Variants in WDR7 observed in about 807,000 individuals in gnomAD.
WDR7 encodes the protein WD repeat domain 7.
In WDR7, 46 loss-of-function variants were observed where a neutral mutation model predicts 169.4. The observed-to-expected ratio is 0.27, with a 90% CI of 0.21 to 0.35. The LOEUF (loss-of-function observed/expected upper bound fraction) is 0.35. Ranked by LOEUF, WDR7 falls within the 10% of genes least tolerant of loss-of-function variation. The probability of loss-of-function intolerance (pLI) is 1.00; values close to 1 mark genes in which losing one functional copy is unlikely to be tolerated. For missense variants in WDR7, 1,534 were observed against 1,859.3 expected (o/e 0.83, Z 3.22); for synonymous variants, 612 against 666.8 (o/e 0.92, Z 1.27).
intron 21 of WDR7, among the ~76,000 whole-genome samples, chr18:56,885,832 A>C (rs1217540382): frequency 2.0e-5 from 3 of 151,922 alleles, no homozygotes; most frequent in Non-Finnish European, 4.4e-5. Context: ...GTCTCAAAAA[A>C]AAAAAAAAAC....
At chr18:56,982,005 G>GA (rs11415396) in intron 26 of WDR7, among the ~76,000 whole-genome samples, 51,460 of 151,902 alleles carry the variant, frequency 0.34, 8,853 homozygotes, top group Admixed American at 0.39. Context: ...GATATGCCAT[G>GA]AAAAAAATAC....
At chr18:56,853,981 A>C (rs1468491875) in intron 20 of WDR7, among the ~76,000 whole-genome samples, 2 of 152,194 alleles carry the variant, frequency 1.3e-5, no homozygotes, top group Non-Finnish European at 2.9e-5. Context: ...TACTTTTACA[A>C]ACAATGTTGT....
chr18:56,821,649 CT>C (rs34413613), intron 20 of WDR7, among the ~76,000 whole-genome samples: 67 of 142,998 alleles, frequency 4.7e-4, no homozygotes, highest in Non-Finnish European at 4.2e-4. Context: ...CATACCCCTC[CT>C]TTTTTTTTTT....
chr18:56,987,725 G>C (rs1365704311), intron 26 of WDR7, among the ~76,000 whole-genome samples: 1 of 152,112 alleles, frequency 6.6e-6, no homozygotes, highest in Non-Finnish European at 1.5e-5. Flanking sequence ...ATAGTAAAGA[G>C]TATATCACGT....
intron 20 of WDR7, chr18:56,872,930 C>T (rs2045973216): frequency 6.6e-6 from 1 of 152,106 alleles, no homozygotes; most frequent in South Asian, 2.1e-4. Flanking sequence ...GAAAACATTG[C>T]AACTAGTTAC....
At chr18:56,843,368 C>T (rs568183512) in intron 20 of WDR7, among the ~76,000 whole-genome samples, 2 of 152,318 alleles carry the variant, frequency 1.3e-5, no homozygotes, top group African/African-American at 4.8e-5. Context: ...TGAATGCTAA[C>T]TTCCCATTCT....
At chr18:56,795,863 G>A (rs757495120) in intron 19 of WDR7, among the ~76,000 whole-genome samples, 3 of 151,944 alleles carry the variant, frequency 2.0e-5, no homozygotes, top group Non-Finnish European at 4.4e-5. Context: ...TTCTCTCTGT[G>A]GGATCATACC....
At chr18:56,973,242 A>C (rs2047518391) in intron 26 of WDR7, among the ~76,000 whole-genome samples, 1 of 152,194 alleles carries the variant, frequency 6.6e-6, no homozygotes, top group Admixed American at 6.5e-5. Flanking sequence ...ACCAAGAAAA[A>C]ATAAATTATA....
chr18:56,692,663 G>T (rs938826050), intron 9 of WDR7, among the ~76,000 whole-genome samples: 2 of 151,656 alleles, frequency 1.3e-5, no homozygotes, highest in African/African-American at 4.8e-5. Context: ...AGATAGTCAT[G>T]TCCAATTAAC....
chr18:56,955,599 C>A (rs1047983563), intron 25 of WDR7, among the ~76,000 whole-genome samples: 3 of 151,948 alleles, frequency 2.0e-5, no homozygotes, highest in Non-Finnish European at 4.4e-5. Context: ...AGGAAAATAG[C>A]AAATTAACTA....
intron 16 of WDR7, among the ~76,000 whole-genome samples, chr18:56,760,632 T>C (rs1316378082): frequency 6.6e-6 from 1 of 152,236 alleles, no homozygotes; most frequent in Non-Finnish European, 1.5e-5. Context: ...GATTCTGCTA[T>C]GAGCATCCTT....
At chr18:56,920,153 C>G (rs1410419443) in intron 21 of WDR7, among the ~76,000 whole-genome samples, 2 of 152,106 alleles carry the variant, frequency 1.3e-5, no homozygotes, top group African/African-American at 2.4e-5. Flanking sequence ...CATGTTCCCT[C>G]TTATTTCCTG....
chr18:56,958,984 T>C (rs2047296381), intron 25 of WDR7, among the ~76,000 whole-genome samples: 1 of 152,142 alleles, frequency 6.6e-6, no homozygotes, highest in South Asian at 2.1e-4. Flanking sequence ...AAAATCATTG[T>C]TTAATATCTC....
chr18:56,656,279 GTTTT>G (rs1217856567), intron 1 of WDR7, among the ~76,000 whole-genome samples: 1 of 132,628 alleles, frequency 7.5e-6, no homozygotes. Flanking sequence ...TACTGTCACT[GTTTT>G]TTTTTTTTTT....
intron 20 of WDR7, among the ~76,000 whole-genome samples, chr18:56,839,630 T>C (rs1170895758): frequency 6.6e-6 from 1 of 152,164 alleles, no homozygotes; most frequent in East Asian, 1.9e-4. Context: ...AAAAATAGTA[T>C]AAAGCAGAAG....
chr18:56,722,752 C>T (rs2026350222), intron 13 of WDR7, among the ~76,000 whole-genome samples: 1 of 152,134 alleles, frequency 6.6e-6, no homozygotes, highest in South Asian at 2.1e-4. Flanking sequence ...ACTCCCTCCT[C>T]TCACAACCCC....
At chr18:56,803,396 G>A (rs1599057088) in intron 19 of WDR7, among the ~76,000 whole-genome samples, 1 of 152,154 alleles carries the variant, frequency 6.6e-6, no homozygotes, top group East Asian at 1.9e-4. Context: ...GTGTGTTTGT[G>A]TGTGTATGTG....
intron 19 of WDR7, among the ~76,000 whole-genome samples, chr18:56,783,781 G>T (rs2044354130): frequency 6.6e-6 from 1 of 152,150 alleles, no homozygotes; most frequent in African/African-American, 2.4e-5. Context: ...TTGTATTCTT[G>T]ACAGAGAAAA....
At chr18:56,797,614 A>G (rs1392657858) in intron 19 of WDR7, among the ~76,000 whole-genome samples, 1 of 152,116 alleles carries the variant, frequency 6.6e-6, no homozygotes. Flanking sequence ...GTTCATTAAG[A>G]TATTCTGATT....
Sources: allele counts gnomAD v4.1 joint callset (sites outside exome capture counted in the v4.1 genomes callset), GRCh38; gene constraint gnomAD v4.1.1; transcripts MANE v1.5; gene names NCBI Gene and HGNC (gene_info 2026-07-23, HGNC 2026-07-21).